Variants in FRYL observed in about 807,000 individuals in gnomAD.
FRYL encodes protein furry homolog-like.
Under a neutral mutation model 351.2 loss-of-function variants are expected in FRYL, and 150 were observed. The ratio of observed to expected loss-of-function variants is 0.43; its 90% CI spans 0.37 to 0.49. The LOEUF (loss-of-function observed/expected upper bound fraction) is 0.49, where lower values mean the gene tolerates loss of function less well. FRYL is among the 20% of genes least tolerant of loss of function. FRYL has a pLI of 0.00. For missense variants in FRYL, 3,036 were observed against 3,619.3 expected, an observed-to-expected ratio of 0.84 and a Z score of 4.13; for synonymous variants, 1,153 against 1,257.1, an observed-to-expected ratio of 0.92 and a Z score of 1.75.
chr4:48,730,099 A>G (rs949608283), intron 1 of FRYL, among the ~76,000 whole-genome samples: 44 of 152,224 alleles, frequency 2.9e-4, no homozygotes, highest in African/African-American at 1.1e-3. Flanking sequence ...ACAAGCTTCA[A>G]TAGCTGAGCC....
chr4:48,770,827 G>T (rs532127485), intron 1 of FRYL, among the ~76,000 whole-genome samples: 14 of 152,064 alleles, frequency 9.2e-5, no homozygotes, highest in Admixed American at 2.0e-4. Context: ...TTTTTATACT[G>T]CTGAAATAAA....
rs1736598127 is a variant in FRYL at position 48,565,607 on chromosome 4, C to G, written c.3254G>C (p.Ser1085Thr). The G allele has an allele frequency of 1.9e-6, 3 of 1,613,806 alleles. No homozygotes were observed. The highest frequency in any genetic ancestry group is 4.5e-5 in the East Asian group (2 of 44,852). Residue 1085 changes from serine to threonine, a missense_variant, in exon 29 of 64, where the codon AGC (serine) becomes ACC (threonine). By Grantham distance (58) the Ser-to-Thr change is moderately conservative. This residue lies in a region of FRYL where 1,987 missense variants were observed against 2,311.7 expected (regional missense o/e 0.86). Coordinates refer to ENST00000358350, the MANE Select transcript of FRYL (RefSeq NM_015030.2). ...MLFSHWAGPF[S>T]IMFTPLDRYS... ...TCTGTCCAAGGGCGTAAACATGATG[C>G]TAAAAGGACCTGCCCAGTGACTGAA...
chr4:48,642,626 C>T (rs553761585), intron 3 of FRYL, among the ~76,000 whole-genome samples: 2 of 152,036 alleles, frequency 1.3e-5, no homozygotes, highest in African/African-American at 4.8e-5. Context: ...CCTATGACAT[C>T]TTTGGCATAT....
At chr4:48,653,790 G>A (rs150271563) in intron 3 of FRYL, 6 of 1,288,850 alleles carry the variant, frequency 4.7e-6, no homozygotes, top group Non-Finnish European at 6.1e-6. Flanking sequence ...TCAACATAGT[G>A]TCTCAATCAG....
In FRYL at chr4:48,553,336, C is replaced by A. The variant is rs757789915; in HGVS notation, c.4314G>T (p.Leu1438Phe). Residue 1438 changes from leucine (L) to phenylalanine (F), a missense_variant, in exon 36 of 64, where the codon TTG (leucine) becomes TTT (phenylalanine). Leu to Phe is a conservative substitution (Grantham distance 22). Transcript: ENST00000358350. ...VYLGRDKTMQLLEELVSELQL... is the reference protein window; with the variant it reads ...VYLGRDKTMQFLEELVSELQL... ...GAAGCTCACTCACCAGCTCTTCTAG[C>A]AACTGCATTGTTTTATCTCTACCTA... The A allele has an allele frequency of 6.2e-7, 1 of 1,612,954 alleles. No individual in the cohort carries two copies. Among genetic ancestry groups the A allele is most frequent in the Non-Finnish European group, 8.5e-7 (1 of 1,179,284 alleles).
chr4:48,503,078 G>C (rs560512913), intron 60 of FRYL, among the ~76,000 whole-genome samples: 2 of 151,962 alleles, frequency 1.3e-5, no homozygotes, highest in Admixed American at 1.3e-4. Flanking sequence ...ATTACATTTA[G>C]GCTATGACTT....
intron 3 of FRYL, among the ~76,000 whole-genome samples, chr4:48,641,981 G>A (rs1007200324): frequency 2.6e-5 from 4 of 151,902 alleles, no homozygotes; most frequent in African/African-American, 4.8e-5. Context: ...CTACTGATAC[G>A]AAATAAAGAT....
At chr4:48,750,682 G>A (rs1773162591) in intron 1 of FRYL, among the ~76,000 whole-genome samples, 2 of 152,010 alleles carry the variant, frequency 1.3e-5, no homozygotes, top group African/African-American at 4.8e-5. Context: ...GAAGAGTTAC[G>A]GATAATTGCA....
chr4:48,686,045 T>C (rs1038751006), intron 2 of FRYL, among the ~76,000 whole-genome samples: 1 of 152,192 alleles, frequency 6.6e-6, no homozygotes, highest in Non-Finnish European at 1.5e-5. Flanking sequence ...CTGGCTGGTC[T>C]TGGTATTTTT....
At chr4:48,676,665 A>G (rs932689490) in intron 3 of FRYL, among the ~76,000 whole-genome samples, 3 of 151,662 alleles carry the variant, frequency 2.0e-5, no homozygotes, top group African/African-American at 7.3e-5. Flanking sequence ...TTTTGGGATT[A>G]CAGGCGTGAG....
At chr4:48,615,920 T>C (rs976923037) in intron 7 of FRYL, among the ~76,000 whole-genome samples, 3 of 152,180 alleles carry the variant, frequency 2.0e-5, no homozygotes, top group Non-Finnish European at 4.4e-5. Context: ...TGCAGGGACA[T>C]GGATGAAGCT....
intron 5 of FRYL, among the ~76,000 whole-genome samples, chr4:48,621,140 T>C (rs1298001563): frequency 1.3e-5 from 2 of 152,190 alleles, no homozygotes; most frequent in African/African-American, 4.8e-5. Context: ...GCAACTCCTA[T>C]GTGTTCATGT....
rs759565325 is a variant in FRYL, at chr4:48,510,819, G to C, written c.8295+16C>G. 6.3e-7 allele frequency: 1 copy of C among 1,594,278 alleles called. No homozygotes were observed. The highest frequency in any genetic ancestry group is 1.7e-5 in the Admixed American group (1 of 58,682). On this transcript the variant is annotated intron_variant, in intron 58 of 63. Transcript: ENST00000358350. ...CCAATGTAGTCTTTATAATAAACCT[G>C]CATGTAAAAACTTACTGTTTCAGCA...
chr4:48,771,043 A>G (rs912518984), intron 1 of FRYL, among the ~76,000 whole-genome samples: 14 of 152,210 alleles, frequency 9.2e-5, no homozygotes, highest in Non-Finnish European at 1.5e-5. Flanking sequence ...ACAATTCTAA[A>G]CAAGTCACAG....
intron 32 of FRYL, among the ~76,000 whole-genome samples, chr4:48,562,382 T>C (rs1184981288): frequency 6.6e-6 from 1 of 152,326 alleles, no homozygotes; most frequent in African/African-American, 2.4e-5. Context: ...AATCCTATTC[T>C]TAGCCCTTGG....
intron 48 of FRYL, 110 bp from the exon 49 acceptor site, chr4:48,534,795 T>C (rs935248388): frequency 6.1e-5 from 39 of 641,048 alleles, no homozygotes; most frequent in Non-Finnish European, 8.5e-5. Context: ...TATGAGTTTA[T>C]AGTTATGTGG....
chr4:48,575,369 A>G, intron 24 of FRYL, 128 bp from the exon 25 acceptor site: 1 of 942,052 alleles, frequency 1.1e-6, no homozygotes, highest in Non-Finnish European at 1.6e-6. Context: ...ATGATACCTC[A>G]AATTTCACCT....
chr4:48,594,095 G>T, intron 15 of FRYL, 79 bp from the exon 16 acceptor site: 1 of 756,958 alleles, frequency 1.3e-6, no homozygotes, highest in South Asian at 2.2e-5. Flanking sequence ...AATATACAAT[G>T]ACAACAAGAC....
chr4:48,747,810 CAACTT>C (rs1772838171), intron 1 of FRYL, among the ~76,000 whole-genome samples: 1 of 152,174 alleles, frequency 6.6e-6, no homozygotes, highest in Admixed American at 6.5e-5. Flanking sequence ...GCCACAATCT[CAACTT>C]AAACCAGTCT....
Sources: allele counts gnomAD v4.1 joint callset (sites outside exome capture counted in the v4.1 genomes callset), GRCh38; gene constraint gnomAD v4.1.1; regional missense constraint gnomAD v4.1.1; transcripts MANE v1.5; gene names NCBI Gene and HGNC (gene_info 2026-07-23, HGNC 2026-07-21).